Variants in PROKR1 observed in about 807,000 individuals in gnomAD.
The protein encoded by PROKR1 is prokineticin receptor 1.
A neutral mutation model predicts 22.8 loss-of-function variants in PROKR1; 21 were observed. That is an observed-to-expected ratio of 0.92 (90% CI 0.65 to 1.32). The LOEUF is 1.32. Ranked by LOEUF, PROKR1 falls within the 40% of genes most tolerant of loss-of-function variation. The probability of loss-of-function intolerance (pLI) is 0.00; values close to 1 mark genes in which losing one functional copy is unlikely to be tolerated. For synonymous variants in PROKR1, 193 were observed against 207.5 expected, an observed-to-expected ratio of 0.93 and a Z score of 0.60; for missense variants, 548 against 514.2, an observed-to-expected ratio of 1.07 and a Z score of -0.64.
At chr2:68,653,243 G>A (rs761404831) in intron 2 of PROKR1, among the ~76,000 whole-genome samples, 1 of 152,136 alleles carries the variant, frequency 6.6e-6, no homozygotes, top group African/African-American at 2.4e-5. Flanking sequence ...CGGGAGATTG[G>A]CTAGAGTGCC....
At position 68,646,257 on chromosome 2, in the gene PROKR1, G is replaced by T. The variant is rs866673060; in HGVS notation, c.436G>T (p.Val146Phe). The T allele has an allele frequency of 6.2e-7, 1 of 1,614,190 alleles. No homozygotes were observed. Residue 146 changes from valine to phenylalanine, a missense_variant, in exon 2 of 3, where the codon GTC becomes TTC. Coordinates refer to ENST00000303786, the MANE Select transcript of PROKR1 (RefSeq NM_138964.4). ...LCTSVNYLRT[V>F]SLYVSTNALL... Reference sequence around the variant, plus strand: ...CACCTCTGTCAACTACCTGCGCACTGTCTCTCTCTATGTCTCCACCAATGC... The same window carrying T: ...CACCTCTGTCAACTACCTGCGCACTTTCTCTCTCTATGTCTCCACCAATGC...
chr2:68,651,916 A>G (rs1370305573), intron 2 of PROKR1, among the ~76,000 whole-genome samples: 1 of 152,250 alleles, frequency 6.6e-6, no homozygotes, highest in East Asian at 1.9e-4. Context: ...AAGGGCATAC[A>G]TATAAGCAGA....
rs1416138383 is a variant in PROKR1 at position 68,645,695 on chromosome 2, G to C, written c.-127G>C. ...TGGAGCTCAGATACCATACCCCAAA[G>C]ATGCTGGCAGAGACATTCTGACTCA... On this transcript the variant is annotated 5_prime_UTR_variant, in exon 2 of 3. Transcript: ENST00000303786. 59 of 1,316,590 alleles carry C rather than the reference G, an allele frequency of 4.5e-5. No individual in the cohort carries two copies. Among genetic ancestry groups the C allele is most frequent in the Non-Finnish European group, 5.9e-5 (55 of 926,192 alleles). 81.6% of individuals were successfully genotyped at this position (1,316,590 alleles called of 1,614,324 possible). A position where few individuals can be genotyped will look rare whatever the true frequency, so the allele number is the denominator to read the frequency against.
rs113052443 is a variant in PROKR1, at chr2:68,653,425, G to GAAA, written c.486-1446_486-1444dup. 2.8e-3 allele frequency among the ~76,000 whole-genome samples: 423 copies of GAAA among 148,442 alleles called. 3 individuals carry two copies. Among genetic ancestry groups the GAAA allele is most frequent in the African/African-American group, 9.4e-3 (381 of 40,604 alleles). ...ACAGAAAGAGCAGAAATACAGTCAG[G>GAAA]AAAAAAAAAAATAAGTAAGAATGAA... On this transcript the variant is annotated intron_variant, in intron 2 of 2. Transcript: ENST00000303786.
In PROKR1 at chr2:68,645,837, G is replaced by A. The variant is rs1455787157; in HGVS notation, c.16G>A (p.Gly6Arg). 1 of 1,614,180 alleles carries A rather than the reference G, an allele frequency of 6.2e-7. No homozygotes were observed. The highest frequency in any genetic ancestry group is 8.5e-7 in the Non-Finnish European group (1 of 1,180,032). ...ACCTGGCCAGATGGAGACCACCATG[G>A]GGTTCATGGATGACAATGCCACCAA... METTMGFMDDNATNTS... is the reference protein window; with the variant it reads METTMRFMDDNATNTS... The change falls in exon 2 of 3, where the codon GGG becomes AGG. Residue 6 changes from glycine to arginine, a missense_variant. Gly to Arg is a moderately radical substitution (Grantham distance 125). Transcript: ENST00000303786.
At chr2:68,653,234 G>A (rs776298165) in intron 2 of PROKR1, among the ~76,000 whole-genome samples, 2 of 152,124 alleles carry the variant, frequency 1.3e-5, no homozygotes, top group Non-Finnish European at 2.9e-5. Context: ...TCTGGCACTC[G>A]GGAGATTGGC....
rs1673418007 is a variant in PROKR1 at position 68,655,168 on chromosome 2, G to C, written c.774G>C (p.Glu258Asp). 1 of 1,614,092 alleles carries C rather than the reference G, an allele frequency of 6.2e-7. No homozygotes were observed. The highest frequency in any genetic ancestry group is 1.1e-5 in the South Asian group (1 of 91,094). The change falls in exon 3 of 3, where the codon GAG (glutamate) becomes GAC (aspartate). Residue 258 changes from glutamate (E) to aspartate (D), a missense_variant. By Grantham distance (45) the Glu-to-Asp change is conservative. Transcript: ENST00000303786. ...TGTGCTATGCCAGGATCTCCCGGGA[G>C]CTCTGGTTCAAGGCGGTCCCTGGAT... ...MTLCYARISR[E>D]LWFKAVPGFQ...
intron 2 of PROKR1, among the ~76,000 whole-genome samples, chr2:68,650,430 T>A (rs1163143274): frequency 6.6e-6 from 1 of 152,164 alleles, no homozygotes; most frequent in African/African-American, 2.4e-5. Flanking sequence ...AGAGATGAGA[T>A]CTTGCTATGC....
chr2:68,657,567 A>G lies in PROKR1; in HGVS notation c.*1991A>G, dbSNP rs1673498754. 6.6e-6 allele frequency: 1 copy of G among 152,204 alleles called. No homozygotes were observed. Among genetic ancestry groups the G allele is most frequent in the South Asian group, 2.1e-4 (1 of 4,834 alleles). 9.4% of individuals were successfully genotyped at this position (152,204 alleles called of 1,614,324 possible). Reference sequence around the variant, plus strand: ...TGATCATCTTCCCATGACTGTTCCCAGCCAGCATGAATCTGGGCAATGGAA... The same window carrying G: ...TGATCATCTTCCCATGACTGTTCCCGGCCAGCATGAATCTGGGCAATGGAA... On this transcript the variant is annotated 3_prime_UTR_variant, in exon 3 of 3. Transcript: ENST00000303786.
chr2:68,655,286 G>A lies in PROKR1; in HGVS notation c.892G>A (p.Ala298Thr), dbSNP rs756952429. Residue 298 changes from alanine (A) to threonine (T), a missense_variant, in exon 3 of 3, where the codon GCG becomes ACG. Physicochemically the swap from Ala to Thr is moderately conservative, Grantham distance 58. Coordinates refer to ENST00000303786, the MANE Select transcript of PROKR1 (RefSeq NM_138964.4). ...CCTCACCGCCTACGTGCTATGCTGGGCGCCCTTCTACGGCTTCACCATCGT... is the reference window on the plus strand; with the variant it reads ...CCTCACCGCCTACGTGCTATGCTGGACGCCCTTCTACGGCTTCACCATCGT... ...CILTAYVLCWAPFYGFTIVRD... is the reference protein window; with the variant it reads ...CILTAYVLCWTPFYGFTIVRD... 1.9e-5 allele frequency: 31 copies of A among 1,614,130 alleles called. No individual in the cohort carries two copies. The highest frequency in any genetic ancestry group is 3.3e-5 in the Admixed American group (2 of 60,006).
chr2:68,650,517 A>G (rs1257563180), intron 2 of PROKR1, among the ~76,000 whole-genome samples: 4 of 152,184 alleles, frequency 2.6e-5, no homozygotes, highest in African/African-American at 9.7e-5. Context: ...TACAGGTGTG[A>G]GCCACTGTGT....
chr2:68,656,158 TATGGCC>T lies in PROKR1; in HGVS notation c.*584_*589del. The T allele has an allele frequency of 1.1e-5, 2 of 175,662 alleles. No individual in the cohort carries two copies. Among genetic ancestry groups the T allele is most frequent in the East Asian group, 1.5e-4 (1 of 6,698 alleles). The allele number at this position is 175,662 out of a possible 1,614,324, so 10.9% of individuals were successfully genotyped here. A position where few individuals can be genotyped will look rare whatever the true frequency, so the allele number is the denominator to read the frequency against. On this transcript the variant is annotated 3_prime_UTR_variant, in exon 3 of 3. Transcript: ENST00000303786. ...GCAAACTCTTCCTCCCACACTGCTCTATGGCCACCCTCAGGCCCAGGGCTCTGCACA... is the reference window on the plus strand; with the variant it reads ...GCAAACTCTTCCTCCCACACTGCTCTACCCTCAGGCCCAGGGCTCTGCACA...
In PROKR1 at chr2:68,654,900, C is replaced by T. The variant is rs1251229546; in HGVS notation, c.506C>T (p.Pro169Leu). The change falls in exon 3 of 3, where the codon CCG becomes CTG. Residue 169 changes from proline to leucine, a missense_variant. By Grantham distance (98) the Pro-to-Leu change is moderately conservative. Coordinates refer to ENST00000303786, the MANE Select transcript of PROKR1 (RefSeq NM_138964.4). ...CCTAGGTATCTGGCTATTGTCCATCCGCTGAGACCACGGATGAAGTGCCAA... is the reference window on the plus strand; with the variant it reads ...CCTAGGTATCTGGCTATTGTCCATCTGCTGAGACCACGGATGAAGTGCCAA... Reference protein sequence around the residue: ...AIDRYLAIVHPLRPRMKCQTA... With the variant: ...AIDRYLAIVHLLRPRMKCQTA... 7 of 1,613,444 alleles carry T rather than the reference C, an allele frequency of 4.3e-6. No individual in the cohort carries two copies. Among genetic ancestry groups the T allele is most frequent in the African/African-American group, 4.0e-5 (3 of 74,836 alleles).
At position 68,646,158 on chromosome 2, in the gene PROKR1, A is replaced by G. The variant is rs149086201; in HGVS notation, c.337A>G (p.Ile113Val). 8 of 1,608,134 alleles carry G rather than the reference A, an allele frequency of 5.0e-6. No individual in the cohort carries two copies. In the African/African-American group the frequency reaches 8.0e-5, roughly 16 times the overall value. The change falls in exon 2 of 3, where the codon ATT (isoleucine) becomes GTT (valine). Residue 113 changes from isoleucine to valine, a missense_variant. Physicochemically the swap from Ile to Val is conservative, Grantham distance 29. Coordinates refer to ENST00000303786, the MANE Select transcript of PROKR1 (RefSeq NM_138964.4). ...GGCCATCTCTGACTTCCTGGTGGCC[A>G]TTGTCTGCTGCCCCTTTGAGATGGA... Reference protein sequence around the residue: ...NLAISDFLVAIVCCPFEMDYY... With the variant: ...NLAISDFLVAVVCCPFEMDYY...
At position 68,657,130 on chromosome 2, in the gene PROKR1, A is replaced by T. The variant is rs1038046827; in HGVS notation, c.*1554A>T. The stretch of plus-strand genomic sequence containing the variant: ...AAGCCTCTCCGAGGGGACAAAGGTA[A>T]CACCTTTGTCCTTCTGTGGTACCTT... On this transcript the variant is annotated 3_prime_UTR_variant, in exon 3 of 3. Transcript: ENST00000303786. The T allele has an allele frequency of 1.3e-5, 2 of 152,176 alleles. No homozygotes were observed. The highest frequency in any genetic ancestry group is 4.8e-5 in the African/African-American group (2 of 41,424). 9.4% of individuals were successfully genotyped at this position (152,176 alleles called of 1,614,324 possible).
chr2:68,646,786 G>A (rs539470174), intron 2 of PROKR1, among the ~76,000 whole-genome samples: 61 of 152,308 alleles, frequency 4.0e-4, no homozygotes, highest in Non-Finnish European at 7.9e-4. Flanking sequence ...AACAGTTCAA[G>A]CCTATAATCC....
At position 68,655,366 on chromosome 2, in the gene PROKR1, C is replaced by G. The variant is rs377223485; in HGVS notation, c.972C>G (p.Phe324Leu). 3 of 1,614,114 alleles carry G rather than the reference C, an allele frequency of 1.9e-6. No homozygotes were observed. The African/African-American group carries it at 4.0e-5, about 22-fold the overall frequency. ...FVKEKHYLTA[F>L]YIVECIAMSN... ...AGGAGAAGCACTACCTCACTGCCTT[C>G]TACATCGTCGAGTGCATCGCCATGA... is the stretch of plus-strand genomic sequence containing the variant. Residue 324 changes from phenylalanine to leucine, a missense_variant, in exon 3 of 3, where the codon TTC becomes TTG. By Grantham distance (22) the Phe-to-Leu change is conservative. Coordinates refer to ENST00000303786, the MANE Select transcript of PROKR1 (RefSeq NM_138964.4).
At position 68,658,088 on chromosome 2, in the gene PROKR1, A is replaced by G. The variant is rs1673509840; in HGVS notation, c.*2512A>G. The stretch of plus-strand genomic sequence containing the variant: ...ATTGTATTAAACAGGAGCTTTTTAT[A>G]TGCGGCAACCAAAGCCCACTCTGCT... On this transcript the variant is annotated 3_prime_UTR_variant, in exon 3 of 3. Transcript: ENST00000303786. 6.6e-6 allele frequency: 1 copy of G among 152,238 alleles called. No homozygotes were observed. The highest frequency in any genetic ancestry group is 2.4e-5 in the African/African-American group (1 of 41,462). The allele number at this position is 152,238 out of a possible 1,614,324, so 9.4% of individuals were successfully genotyped here. A position where few individuals can be genotyped will look rare whatever the true frequency, so the allele number is the denominator to read the frequency against.
rs1275427898 is a variant in PROKR1, at chr2:68,658,132, C to G, written c.*2556C>G. On this transcript the variant is annotated 3_prime_UTR_variant, in exon 3 of 3. Transcript: ENST00000303786. Reference sequence around the variant, plus strand: ...CTCTGCTTTTCAGCCTAAAATGTATCAATTTTTCACTCAACTATCTGTGTT... The same window carrying G: ...CTCTGCTTTTCAGCCTAAAATGTATGAATTTTTCACTCAACTATCTGTGTT... 2 of 152,282 alleles carry G rather than the reference C, an allele frequency of 1.3e-5. No individual in the cohort carries two copies. The highest frequency in any genetic ancestry group is 4.1e-4 in the South Asian group (2 of 4,822). The allele number at this position is 152,282 out of a possible 1,614,324, so 9.4% of individuals were successfully genotyped here. A position where few individuals can be genotyped will look rare whatever the true frequency, so the allele number is the denominator to read the frequency against.
Sources: gnomAD v4.1 joint callset for allele counts (sites outside exome capture counted in the v4.1 genomes callset) on GRCh38, gnomAD v4.1.1 for gene constraint, MANE v1.5 for transcripts, NCBI Gene and HGNC (gene_info 2026-07-23, HGNC 2026-07-21) for gene names.